The following MAP2K5 variants were observed in gnomAD, a reference collection of about 807,000 sequenced individuals.
The protein encoded by MAP2K5 is dual specificity mitogen-activated protein kinase kinase 5.
Under a neutral mutation model 83.1 loss-of-function variants are expected in MAP2K5, and 49 were observed. The observed-to-expected ratio is 0.59, with a 90% CI of 0.47 to 0.75. The LOEUF (loss-of-function observed/expected upper bound fraction) is 0.75. Among genes scored for constraint, MAP2K5 ranks in the 30% least tolerant of loss-of-function variants. The pLI is 0.00. For synonymous variants in MAP2K5, 202 were observed against 191.8 expected (o/e 1.05, Z -0.44); for missense variants, 457 against 557.5 (o/e 0.82, Z 1.82).
At chr15:67,741,877 G>T (rs1182267040) in intron 17 of MAP2K5, among the ~76,000 whole-genome samples, 1 of 151,642 alleles carries the variant, frequency 6.6e-6, no homozygotes, top group Non-Finnish European at 1.5e-5. Context: ...CATACTTCTT[G>T]GATTCAAAAT....
At position 67,690,662 on chromosome 15, in the gene MAP2K5, T is replaced by C. The variant is rs1274901484; in HGVS notation, c.848-1817T>C. ...AATTCTCCTCCCTCAGCCTCCCGAG[T>C]AGCTGAGATTACAGGTGTCCGCCAC... is the stretch of plus-strand genomic sequence containing the variant. On this transcript the variant is annotated intron_variant, in intron 13 of 21. Coordinates refer to ENST00000178640, the MANE Select transcript of MAP2K5 (RefSeq NM_145160.3). The surrounding 1 kb of genome is among the most constrained non-coding windows in gnomAD (Gnocchi z 4.3). 6.6e-6 allele frequency among the ~76,000 whole-genome samples: 1 copy of C among 151,800 alleles called. No homozygotes were observed. The highest frequency in any genetic ancestry group is 1.9e-4 in the East Asian group (1 of 5,168).
At chr15:67,620,483 A>G (rs1222008262) in intron 8 of MAP2K5, among the ~76,000 whole-genome samples, 1 of 152,212 alleles carries the variant, frequency 6.6e-6, no homozygotes, top group Non-Finnish European at 1.5e-5. Flanking sequence ...GCAATAGAGT[A>G]GTTGATGCCA....
At chr15:67,591,893 C>T (rs1346851578) in intron 6 of MAP2K5, among the ~76,000 whole-genome samples, 2 of 151,830 alleles carry the variant, frequency 1.3e-5, no homozygotes, top group Non-Finnish European at 2.9e-5. Flanking sequence ...GGGCAGATCA[C>T]CTGAGGTCGG....
In MAP2K5 at chr15:67,565,949, T is replaced by C. The variant is rs1337018099; in HGVS notation, c.252+2599T>C. 6.6e-6 allele frequency among the ~76,000 whole-genome samples: 1 copy of C among 152,178 alleles called. No homozygotes were observed. Reference sequence around the variant, plus strand: ...TTTGATCTGTCTTGGTTCTTATGATTGAAATTTAAGGAGAACCATTTGGAC... The same window carrying C: ...TTTGATCTGTCTTGGTTCTTATGATCGAAATTTAAGGAGAACCATTTGGAC... On this transcript the variant is annotated intron_variant, in intron 3 of 21. Coordinates refer to ENST00000178640, the MANE Select transcript of MAP2K5 (RefSeq NM_145160.3). The surrounding 1 kb of genome is among the most constrained non-coding windows in gnomAD (Gnocchi z 4.1).
chr15:67,545,938 TAAGTTGTACCTGGCTC>T (rs2084380800), intron 1 of MAP2K5, among the ~76,000 whole-genome samples: 1 of 152,204 alleles, frequency 6.6e-6, no homozygotes, highest in Non-Finnish European at 1.5e-5. Flanking sequence ...TGAGCATCTC[TAAGTTGTACCTGGCTC>T]AAGGCTGACT....
chr15:67,601,397 A>C (rs1270065693), intron 8 of MAP2K5, among the ~76,000 whole-genome samples: 1 of 152,252 alleles, frequency 6.6e-6, no homozygotes, highest in Non-Finnish European at 1.5e-5. Flanking sequence ...AGTTTAAACT[A>C]CATAATGTAA....
chr15:67,673,262 C>T (rs1427128994), intron 13 of MAP2K5, among the ~76,000 whole-genome samples: 1 of 151,664 alleles, frequency 6.6e-6, no homozygotes, highest in East Asian at 1.9e-4. Context: ...CAAAAAAATG[C>T]ACAAGACAGT....
At chr15:67,787,635 A>G (rs934887679) in intron 21 of MAP2K5, among the ~76,000 whole-genome samples, 1 of 152,258 alleles carries the variant, frequency 6.6e-6, no homozygotes, top group Non-Finnish European at 1.5e-5. Context: ...ATCTTAGATT[A>G]AAAGCCCATC....
chr15:67,694,702 G>A (rs2088202186), intron 15 of MAP2K5, among the ~76,000 whole-genome samples: 1 of 151,998 alleles, frequency 6.6e-6, no homozygotes, highest in South Asian at 2.1e-4. Context: ...TCAGTGTGGC[G>A]ATTCCTCAGG....
chr15:67,670,023 T>G (rs2087487132), intron 13 of MAP2K5, among the ~76,000 whole-genome samples: 1 of 152,076 alleles, frequency 6.6e-6, no homozygotes, highest in African/African-American at 2.4e-5. Context: ...TCATAATAGC[T>G]CCAAACTGGA....
intron 14 of MAP2K5, 121 bp from the exon 15 acceptor site, chr15:67,693,397 C>T (rs1390505065): frequency 4.0e-6 from 3 of 745,772 alleles, no homozygotes; most frequent in Admixed American, 2.7e-5. Context: ...AAATTTGTTC[C>T]CTTTTACATA....
At chr15:67,682,363 A>AC (rs1239102306) in intron 13 of MAP2K5, among the ~76,000 whole-genome samples, 1 of 151,942 alleles carries the variant, frequency 6.6e-6, no homozygotes, top group African/African-American at 2.4e-5. Context: ...AGCTGGGACT[A>AC]CAGGCACACG....
intron 13 of MAP2K5, among the ~76,000 whole-genome samples, chr15:67,681,561 G>A (rs2087817664): frequency 6.6e-6 from 1 of 152,170 alleles, no homozygotes. Flanking sequence ...TATTAAAAAT[G>A]AGCCACTTTA....
rs777310126 is a variant in MAP2K5, at chr15:67,563,215, A to G, written c.185-68A>G. The G allele has an allele frequency of 2.6e-6, 4 of 1,558,016 alleles. No individual in the cohort carries two copies. The highest frequency in any genetic ancestry group is 2.4e-5 in the South Asian group (2 of 82,690). Reference sequence around the variant, plus strand: ...AATATCACATTGTAATAAACCGTTTATATTATGTTCCCTTTGTGCATTAAA... The same window carrying G: ...AATATCACATTGTAATAAACCGTTTGTATTATGTTCCCTTTGTGCATTAAA... On this transcript the variant is annotated intron_variant, in intron 2 of 21. Transcript: ENST00000178640. The surrounding 1 kb of genome is among the most constrained non-coding windows in gnomAD (Gnocchi z 4.5).
At chr15:67,745,401 G>A (rs2141270228) in intron 17 of MAP2K5, among the ~76,000 whole-genome samples, 1 of 152,304 alleles carries the variant, frequency 6.6e-6, no homozygotes, top group Admixed American at 6.5e-5. Context: ...CACTTTTAAT[G>A]TGCTATAAAC....
rs781642761 is a variant in MAP2K5, at chr15:67,748,612, G to A, written c.1134+11G>A. ...TGCATTGTTGATGAGGTGAGGCATC[G>A]TCTTATGTGCTTTCACTCCTAAAGT... On this transcript the variant is annotated intron_variant, in intron 19 of 21. Coordinates refer to ENST00000178640, the MANE Select transcript of MAP2K5 (RefSeq NM_145160.3). This position sits in a 1 kb window ranked among gnomAD's most constrained non-coding sequence, Gnocchi z 4.0. The A allele has an allele frequency of 2.8e-5, 45 of 1,613,178 alleles. No homozygotes were observed. Among genetic ancestry groups the A allele is most frequent in the Middle Eastern group, 1.6e-4 (1 of 6,080 alleles).
At chr15:67,645,870 T>C (rs1222805945) in intron 9 of MAP2K5, among the ~76,000 whole-genome samples, 1 of 152,160 alleles carries the variant, frequency 6.6e-6, no homozygotes, top group Non-Finnish European at 1.5e-5. Flanking sequence ...ATAATTCTTT[T>C]ATATTGGTTT....
At chr15:67,721,270 A>G (rs1424807897) in intron 16 of MAP2K5, among the ~76,000 whole-genome samples, 1 of 152,136 alleles carries the variant, frequency 6.6e-6, no homozygotes, top group Non-Finnish European at 1.5e-5. Flanking sequence ...TCTGAATGGT[A>G]GATAAGTGCT....
chr15:67,686,775 A>G (rs2087968594), intron 13 of MAP2K5, among the ~76,000 whole-genome samples: 1 of 152,198 alleles, frequency 6.6e-6, no homozygotes, highest in African/African-American at 2.4e-5. Flanking sequence ...TTACACAGCA[A>G]ACTTTTTGGA....
Sources: allele counts gnomAD v4.1 joint callset (sites outside exome capture counted in the v4.1 genomes callset), GRCh38; gene constraint gnomAD v4.1.1; non-coding constraint Gnocchi (gnomAD v3.1); transcripts MANE v1.5; gene names NCBI Gene and HGNC (gene_info 2026-07-23, HGNC 2026-07-21).